COL19A1: variants seen among roughly 807,000 people sequenced by gnomAD.
COL19A1 encodes collagen type XIX alpha 1 chain.
A neutral mutation model predicts 190.2 loss-of-function variants in COL19A1; 159 were observed. The ratio of observed to expected loss-of-function variants is 0.84; its 90% CI spans 0.73 to 0.95. COL19A1 has a LOEUF of 0.95. Ranked by LOEUF, COL19A1 falls within the 40% of genes least tolerant of loss-of-function variation. The pLI, the probability that COL19A1 is intolerant of heterozygous loss-of-function variation, is 0.00. For synonymous variants in COL19A1, 509 were observed against 458.9 expected (o/e 1.11, Z -1.39); for missense variants, 1,418 against 1,431.9 (o/e 0.99, Z 0.16).
chr6:69,970,951 A>G (rs138951233), intron 11 of COL19A1, among the ~76,000 whole-genome samples: 24 of 152,288 alleles, frequency 1.6e-4, no homozygotes, highest in African/African-American at 5.5e-4. Context: ...GTAGCAGGCA[A>G]TTGGGAAAGA....
At chr6:70,185,091 G>A (rs1323688976) in intron 46 of COL19A1, among the ~76,000 whole-genome samples, 176 bp downstream of exon 46, 1 of 152,170 alleles carries the variant, frequency 6.6e-6, no homozygotes, top group African/African-American at 2.4e-5. Flanking sequence ...CTCAGAGCAA[G>A]TTATATGGTA....
At chr6:70,183,420 T>G (rs755413447) in intron 44 of COL19A1, among the ~76,000 whole-genome samples, 1 of 152,194 alleles carries the variant, frequency 6.6e-6, no homozygotes, top group Non-Finnish European at 1.5e-5. Context: ...ACACTGATGA[T>G]AGTCTTTGAT....
At chr6:69,941,775 G>A (rs534637672) in intron 9 of COL19A1, among the ~76,000 whole-genome samples, 11 of 147,972 alleles carry the variant, frequency 7.4e-5, no homozygotes, top group African/African-American at 1.3e-4. Flanking sequence ...TGCAACATCC[G>A]CCTCCCGGGT....
chr6:70,127,777 C>T (rs1436678522), intron 17 of COL19A1, among the ~76,000 whole-genome samples: 1 of 151,760 alleles, frequency 6.6e-6, no homozygotes, highest in Non-Finnish European at 1.5e-5. Context: ...ATGAGAATAG[C>T]ACAGGAAAGA....
intron 41 of COL19A1, among the ~76,000 whole-genome samples, chr6:70,172,650 T>C (rs1170909646): frequency 6.6e-6 from 1 of 152,228 alleles, no homozygotes; most frequent in East Asian, 1.9e-4. Context: ...TAAAATTGTC[T>C]AGCAAGCATG....
intron 15 of COL19A1, among the ~76,000 whole-genome samples, chr6:70,090,103 C>T (rs1166649776): frequency 3.3e-5 from 5 of 151,526 alleles, no homozygotes; most frequent in Admixed American, 6.6e-5. Context: ...CTTAAGCCCA[C>T]GAGGTTGAGG....
At chr6:69,944,715 T>TATGATTTAC (rs1304737364) in intron 9 of COL19A1, among the ~76,000 whole-genome samples, 1 of 152,060 alleles carries the variant, frequency 6.6e-6, no homozygotes, top group Non-Finnish European at 1.5e-5. Flanking sequence ...GGTTTATTAA[T>TATGATTTAC]ATGATTTACT....
chr6:69,957,832 T>C (rs1774516644), intron 9 of COL19A1, among the ~76,000 whole-genome samples: 1 of 152,178 alleles, frequency 6.6e-6, no homozygotes, highest in Non-Finnish European at 1.5e-5. Flanking sequence ...ACTATAAACC[T>C]GGGTGTCAGA....
At chr6:69,950,961 T>C (rs924126308) in intron 9 of COL19A1, among the ~76,000 whole-genome samples, 4 of 151,882 alleles carry the variant, frequency 2.6e-5, no homozygotes, top group Admixed American at 2.6e-4. Context: ...TGTCCAATAA[T>C]CTTATCCTAA....
At position 69,986,134 on chromosome 6, in the gene COL19A1, A is replaced by G. The variant is rs972340933; in HGVS notation, c.1026+23264A>G. Reference sequence around the variant, plus strand: ...AAGAAAGCAAATTTTGCCGCTAATTACATTGTTTTTAGTTTCAAATAACAT... The same window carrying G: ...AAGAAAGCAAATTTTGCCGCTAATTGCATTGTTTTTAGTTTCAAATAACAT... On this transcript the variant is annotated intron_variant, in intron 11 of 50. Transcript: ENST00000620364. Among the ~76,000 whole-genome samples, 3 of 151,390 alleles carry G rather than the reference A, an allele frequency of 2.0e-5. No homozygotes were observed. The East Asian group carries it at 5.8e-4, about 29-fold the overall frequency.
At chr6:70,117,400 C>G (rs760882856) in intron 16 of COL19A1, among the ~76,000 whole-genome samples, 1 of 152,190 alleles carries the variant, frequency 6.6e-6, no homozygotes, top group African/African-American at 2.4e-5. Flanking sequence ...GCAAATAGCT[C>G]ATCATTTTTA....
At chr6:70,179,227 A>AAGC (rs1464422339) in intron 42 of COL19A1, among the ~76,000 whole-genome samples, 4 of 152,252 alleles carry the variant, frequency 2.6e-5, no homozygotes, top group African/African-American at 9.6e-5. Flanking sequence ...CCGGAATTCT[A>AAGC]AGCAGCAAGT....
intron 31 of COL19A1, 47 bp downstream of exon 31, chr6:70,151,485 A>C: frequency 6.3e-7 from 1 of 1,579,258 alleles, no homozygotes; most frequent in Non-Finnish European, 8.7e-7. Context: ...TCCAGGAAAA[A>C]TTAGAAAGAA....
chr6:69,928,729 G>A (rs1772558125), intron 5 of COL19A1, among the ~76,000 whole-genome samples: 2 of 152,276 alleles, frequency 1.3e-5, no homozygotes, highest in East Asian at 3.9e-4. Context: ...AGAAGAGATG[G>A]CGTTTGGGCT....
rs775787738 is a variant in COL19A1, at chr6:70,156,394, C to A, written c.2238+25C>A. The A allele has an allele frequency of 2.5e-6, 4 of 1,609,094 alleles. No individual in the cohort carries two copies. In the Admixed American group the frequency reaches 6.7e-5, roughly 27 times the overall value. ...GGTAAGAAATTCTCTCCTCCACTTT[C>A]CCCTGTGGGAACCTCAATTTAGTAT... On this transcript the variant is annotated intron_variant, in intron 33 of 50. Transcript: ENST00000620364.
intron 44 of COL19A1, among the ~76,000 whole-genome samples, chr6:70,181,221 G>T (rs1225470570): frequency 6.6e-6 from 1 of 152,166 alleles, no homozygotes; most frequent in Non-Finnish European, 1.5e-5. Context: ...GAAAGAAGTC[G>T]AGGTGAACAA....
intron 35 of COL19A1, 131 bp from the exon 36 acceptor site, chr6:70,163,212 A>C: frequency 1.3e-6 from 1 of 780,290 alleles, no homozygotes; most frequent in Non-Finnish European, 2.1e-6. Context: ...CAGAAGAAAC[A>C]TAAGCTTCTA....
intron 11 of COL19A1, among the ~76,000 whole-genome samples, chr6:69,987,696 T>C (rs757598235): frequency 6.6e-6 from 1 of 152,198 alleles, no homozygotes; most frequent in Non-Finnish European, 1.5e-5. Context: ...ACCTCCCAGC[T>C]GTGCTTAACT....
intron 1 of COL19A1, among the ~76,000 whole-genome samples, chr6:69,871,985 T>C (rs1197794805): frequency 6.6e-6 from 1 of 151,910 alleles, no homozygotes; most frequent in African/African-American, 2.4e-5. Flanking sequence ...CCTGGCTAAT[T>C]TTTGTATTTT....
Sources: gnomAD v4.1 joint callset for allele counts (sites outside exome capture counted in the v4.1 genomes callset) on GRCh38, gnomAD v4.1.1 for gene constraint, MANE v1.5 for transcripts, NCBI Gene and HGNC (gene_info 2026-07-23, HGNC 2026-07-21) for gene names.